Variants in ASAP1 observed in about 807,000 individuals in gnomAD.
The protein encoded by ASAP1 is arf-GAP with SH3 domain, ANK repeat and PH domain-containing protein 1.
ASAP1 carries 43 observed loss-of-function variants against 145.2 expected under a neutral mutation model. That is an observed-to-expected ratio of 0.30 (90% CI 0.23 to 0.38). The LOEUF (loss-of-function observed/expected upper bound fraction) is 0.38, where lower values mean the gene tolerates loss of function less well. Ranked by LOEUF, ASAP1 falls within the 10% of genes least tolerant of loss-of-function variation. ASAP1 has a pLI of 1.00. For missense variants in ASAP1, 1,018 were observed against 1,355.3 expected, an observed-to-expected ratio of 0.75 and a Z score of 3.91; for synonymous variants, 546 against 515.5, an observed-to-expected ratio of 1.06 and a Z score of -0.80.
At chr8:130,099,615 C>T (rs1196587706) in intron 24 of ASAP1, among the ~76,000 whole-genome samples, 4 of 150,960 alleles carry the variant, frequency 2.6e-5, no homozygotes, top group Non-Finnish European at 5.9e-5. Flanking sequence ...CTGTGCCTGG[C>T]TTATTTCACT....
intron 7 of ASAP1, among the ~76,000 whole-genome samples, chr8:130,183,337 T>C (rs1382020723): frequency 2.0e-5 from 3 of 151,946 alleles, no homozygotes; most frequent in African/African-American, 7.3e-5. Context: ...ATAAAATTAT[T>C]ATTATTATTG....
chr8:130,437,766 C>T (rs1387036013), intron 1 of ASAP1, among the ~76,000 whole-genome samples: 1 of 152,108 alleles, frequency 6.6e-6, no homozygotes, highest in Non-Finnish European at 1.5e-5. Flanking sequence ...GCTGTCTTGA[C>T]GCCCTTCTTC....
chr8:130,324,924 G>A (rs190163257), intron 3 of ASAP1, among the ~76,000 whole-genome samples: 103 of 152,278 alleles, frequency 6.8e-4, no homozygotes, highest in African/African-American at 2.3e-3. Flanking sequence ...AGTCTGCCTC[G>A]TAACCCCGAG....
intron 7 of ASAP1, among the ~76,000 whole-genome samples, chr8:130,185,677 C>T (rs1269133581): frequency 1.5e-5 from 2 of 135,026 alleles, no homozygotes; most frequent in African/African-American, 5.7e-5. Flanking sequence ...TGCAGTGAGA[C>T]GAGATTGAGC....
At chr8:130,363,377 A>T (rs1299152895) in intron 2 of ASAP1, among the ~76,000 whole-genome samples, 1 of 123,440 alleles carries the variant, frequency 8.1e-6, no homozygotes, top group Non-Finnish European at 1.8e-5. Flanking sequence ...TTAATAAAAA[A>T]TAAAATAAAT....
chr8:130,281,134 T>C (rs1821218315), intron 3 of ASAP1, among the ~76,000 whole-genome samples: 1 of 152,176 alleles, frequency 6.6e-6, no homozygotes, highest in Non-Finnish European at 1.5e-5. Flanking sequence ...TGTATGACAC[T>C]GAACAAGGTT....
intron 15 of ASAP1, among the ~76,000 whole-genome samples, chr8:130,132,199 G>T (rs1007159290): frequency 6.6e-6 from 1 of 152,176 alleles, no homozygotes; most frequent in Non-Finnish European, 1.5e-5. Flanking sequence ...TTGCAAACTA[G>T]GGACAAAAGT....
At chr8:130,364,591 A>G (rs909808707) in intron 2 of ASAP1, among the ~76,000 whole-genome samples, 1 of 152,158 alleles carries the variant, frequency 6.6e-6, no homozygotes, top group African/African-American at 2.4e-5. Context: ...CTGTTGGGGT[A>G]TATGTGCGTG....
At chr8:130,218,102 G>A (rs1817047682) in intron 4 of ASAP1, among the ~76,000 whole-genome samples, 1 of 152,086 alleles carries the variant, frequency 6.6e-6, no homozygotes, top group East Asian at 1.9e-4. Flanking sequence ...GAGCTCAACC[G>A]AGAAGACACA....
intron 3 of ASAP1, among the ~76,000 whole-genome samples, chr8:130,279,756 A>G (rs1821143940): frequency 6.6e-6 from 1 of 152,232 alleles, no homozygotes; most frequent in African/African-American, 2.4e-5. Context: ...AGAAGGAGAA[A>G]AAAGAGAAGT....
intron 3 of ASAP1, chr8:130,340,928 G>T: frequency 2.2e-6 from 1 of 454,126 alleles, no homozygotes. Flanking sequence ...AAGTCTTCAA[G>T]GGAATAAAAT....
intron 2 of ASAP1, among the ~76,000 whole-genome samples, chr8:130,365,884 C>A (rs1031582836): frequency 6.6e-6 from 1 of 152,066 alleles, no homozygotes; most frequent in Non-Finnish European, 1.5e-5. Context: ...ATGGAGAGAT[C>A]CAGAAGAGAG....
intron 2 of ASAP1, chr8:130,386,642 T>C (rs6415517): frequency 0.83 from 126,869 of 152,300 alleles, 53,464 homozygotes; most frequent in African/African-American, 0.95. Flanking sequence ...TGTACCTCAC[T>C]CTGCAGAAAC....
intron 3 of ASAP1, among the ~76,000 whole-genome samples, chr8:130,289,190 C>CA (rs1459763967): frequency 1.3e-5 from 2 of 150,546 alleles, no homozygotes; most frequent in Non-Finnish European, 1.5e-5. Context: ...CATCTCAAAA[C>CA]AAAAAACAAA....
intron 9 of ASAP1, 112 bp from the exon 10 acceptor site, chr8:130,169,179 C>T: frequency 8.0e-6 from 5 of 622,466 alleles, no homozygotes; most frequent in Non-Finnish European, 1.1e-5. Context: ...TCTGAAAATA[C>T]ACTTATCTGT....
chr8:130,268,534 C>CACACAA (rs1210803966), intron 3 of ASAP1, among the ~76,000 whole-genome samples: 14 of 145,686 alleles, frequency 9.6e-5, no homozygotes, highest in East Asian at 3.9e-4. Context: ...CACACACACA[C>CACACAA]AACTGTGTAA....
intron 3 of ASAP1, among the ~76,000 whole-genome samples, chr8:130,316,638 G>A (rs1466291025): frequency 6.6e-6 from 1 of 152,192 alleles, no homozygotes; most frequent in Non-Finnish European, 1.5e-5. Context: ...ATGACAGCTG[G>A]AGCTCTGGCA....
intron 15 of ASAP1, among the ~76,000 whole-genome samples, chr8:130,130,022 T>A (rs2135755598): frequency 6.6e-6 from 1 of 152,310 alleles, no homozygotes; most frequent in East Asian, 1.9e-4. Context: ...GTTACTGGAT[T>A]TTTCACTTGA....
intron 3 of ASAP1, among the ~76,000 whole-genome samples, chr8:130,263,856 G>A (rs925460516): frequency 2.6e-5 from 4 of 152,198 alleles, no homozygotes; most frequent in Non-Finnish European, 5.9e-5. Flanking sequence ...TGAAAAGTGG[G>A]CATATTTCAC....
Sources: allele counts gnomAD v4.1 joint callset (sites outside exome capture counted in the v4.1 genomes callset), GRCh38; gene constraint gnomAD v4.1.1; transcripts MANE v1.5; gene names NCBI Gene and HGNC (gene_info 2026-07-23, HGNC 2026-07-21).